The following AKAP13 variants were observed in gnomAD, a reference collection of about 807,000 sequenced individuals.
The protein encoded by AKAP13 is A-kinase anchor protein 13.
In AKAP13, 80 loss-of-function variants were observed where a neutral mutation model predicts 264.5. The observed-to-expected ratio is 0.30, with a 90% CI of 0.25 to 0.36. The LOEUF is 0.36. AKAP13 is among the 10% of genes least tolerant of loss of function. The pLI is 1.00. For missense variants in AKAP13, 3,712 were observed against 3,435.2 expected (o/e 1.08, Z -2.01); for synonymous variants, 1,380 against 1,250.2 (o/e 1.10, Z -2.19).
At chr15:85,432,737 C>G (rs1176627168) in intron 1 of AKAP13, among the ~76,000 whole-genome samples, 2 of 152,084 alleles carry the variant, frequency 1.3e-5, no homozygotes, top group African/African-American at 4.8e-5. Context: ...TTGCTATGGA[C>G]TAATTTCCAT....
intron 19 of AKAP13, among the ~76,000 whole-genome samples, chr15:85,710,980 T>C (rs2086603067): frequency 6.6e-6 from 1 of 151,972 alleles, no homozygotes; most frequent in African/African-American, 2.4e-5. Flanking sequence ...CTTACAATCA[T>C]ACAAATCAAA....
At chr15:85,523,249 C>G (rs995834937) in intron 3 of AKAP13, among the ~76,000 whole-genome samples, 5 of 152,008 alleles carry the variant, frequency 3.3e-5, no homozygotes. Flanking sequence ...GATTACTTGT[C>G]TTTTTCAGCT....
chr15:85,578,224 G>A (rs929932443), intron 6 of AKAP13, among the ~76,000 whole-genome samples: 2 of 152,314 alleles, frequency 1.3e-5, no homozygotes, highest in East Asian at 1.9e-4. Context: ...TCAAGGCTGC[G>A]GTGAGCTGTG....
chr15:85,705,319 T>G (rs1403931785), intron 17 of AKAP13, among the ~76,000 whole-genome samples: 2 of 152,174 alleles, frequency 1.3e-5, no homozygotes, highest in Non-Finnish European at 2.9e-5. Flanking sequence ...AGAACAGAAC[T>G]TGGAAACAAA....
chr15:85,531,788 T>C (rs1315713200), intron 3 of AKAP13, among the ~76,000 whole-genome samples: 2 of 152,144 alleles, frequency 1.3e-5, no homozygotes, highest in Non-Finnish European at 2.9e-5. Context: ...GATTCAGTGT[T>C]CATGTGAAGA....
chr15:85,590,455 A>T (rs771517874), intron 8 of AKAP13, among the ~76,000 whole-genome samples: 5 of 152,168 alleles, frequency 3.3e-5, no homozygotes, highest in Admixed American at 1.3e-4. Context: ...TCATTCCTTA[A>T]CCTGTTTGAC....
intron 8 of AKAP13, chr15:85,619,273 G>T: frequency 1.3e-5 from 9 of 706,266 alleles, no homozygotes; most frequent in Non-Finnish European, 1.6e-5. Flanking sequence ...CCAAGGCTGC[G>T]GGTGCGGAGC....
intron 2 of AKAP13, among the ~76,000 whole-genome samples, chr15:85,507,209 G>C (rs551210736): frequency 1.3e-5 from 2 of 152,022 alleles, no homozygotes; most frequent in African/African-American, 4.8e-5. Flanking sequence ...TGATGTCTTT[G>C]GGGGTGTGTG....
At chr15:85,629,764 CTTTTTTTTTTTTTTTTTTTTT>C (rs773396099) in intron 8 of AKAP13, among the ~76,000 whole-genome samples, 1 of 50,526 alleles carries the variant, frequency 2.0e-5, no homozygotes, top group South Asian at 7.9e-4. Flanking sequence ...CCTTTACAGC[CTTTTTTTTTTTTTTTTTTTTT>C]TTTTTTTTTT....
At chr15:85,480,237 A>G (rs1596304383) in intron 1 of AKAP13, among the ~76,000 whole-genome samples, 2 of 152,202 alleles carry the variant, frequency 1.3e-5, no homozygotes, top group African/African-American at 2.4e-5. Context: ...CCACCAGCGT[A>G]TTTTAAGAAG....
chr15:85,586,859 C>T (rs1036671940), intron 8 of AKAP13, among the ~76,000 whole-genome samples: 2 of 150,248 alleles, frequency 1.3e-5, no homozygotes, highest in African/African-American at 2.5e-5. Flanking sequence ...ACCTGGGAGG[C>T]GGAGGATGCA....
In AKAP13 at chr15:85,693,282, G is replaced by A. The variant is rs1436345269; in HGVS notation, c.5295G>A (p.Lys1765=). The A allele has an allele frequency of 1.9e-6, 3 of 1,590,378 alleles. No homozygotes were observed. The highest frequency in any genetic ancestry group is 3.8e-5 in the Admixed American group (2 of 53,284). ...TATTTTCTTTTCTTCGGCAGGAAAA[G>A]GAAAAAGAAAAAGATAAGATTAAGG... The part of the protein sequence containing the change: ...KMSSSKKSKE[K]EKEKDKIKEK... The change falls in exon 17 of 37, where the codon AAG becomes AAA. Residue 1765 remains lysine, a synonymous_variant. Coordinates refer to ENST00000394518, the MANE Select transcript of AKAP13 (RefSeq NM_007200.5).
At chr15:85,663,457 CGTTAA>C (rs1263071769) in intron 12 of AKAP13, among the ~76,000 whole-genome samples, 5 of 152,000 alleles carry the variant, frequency 3.3e-5, no homozygotes, top group African/African-American at 4.8e-5. Context: ...GGCTTCAGTT[CGTTAA>C]GTTATTTACA....
intron 8 of AKAP13, among the ~76,000 whole-genome samples, chr15:85,615,434 T>TG (rs35440013): frequency 0.62 from 94,637 of 151,794 alleles, 29,627 homozygotes; most frequent in Middle Eastern, 0.73. Context: ...TTGGAGACGA[T>TG]CCTTTGCAGC....
intron 33 of AKAP13, among the ~76,000 whole-genome samples, chr15:85,738,347 G>A (rs1020589051): frequency 1.5e-4 from 22 of 151,544 alleles, no homozygotes; most frequent in Non-Finnish European, 2.2e-4. Context: ...GGCCAAGATC[G>A]CACCACTGCA....
intron 14 of AKAP13, 109 bp downstream of exon 14, chr15:85,669,939 C>G: frequency 1.4e-6 from 1 of 719,112 alleles, no homozygotes; most frequent in South Asian, 2.2e-5. Context: ...AATTTGCTTA[C>G]TACTTCTTTG....
At chr15:85,743,384 G>C (rs2089201541) in intron 35 of AKAP13, 108 bp from the exon 36 acceptor site, 12 of 1,226,554 alleles carry the variant, frequency 9.8e-6, no homozygotes, top group Non-Finnish European at 1.4e-5. Context: ...GCAGAGGTGG[G>C]TAAGTACCCA....
chr15:85,598,439 G>T (rs2079913839), intron 8 of AKAP13, among the ~76,000 whole-genome samples: 1 of 152,160 alleles, frequency 6.6e-6, no homozygotes, highest in South Asian at 2.1e-4. Context: ...CTTGTCAGCG[G>T]GAGAGGCATG....
chr15:85,648,725 G>C (rs1326793883), intron 10 of AKAP13, among the ~76,000 whole-genome samples: 1 of 152,106 alleles, frequency 6.6e-6, no homozygotes, highest in Non-Finnish European at 1.5e-5. Context: ...TGTGGTCCCA[G>C]CTATTCAGGA....
Sources: gnomAD v4.1 joint callset for allele counts (sites outside exome capture counted in the v4.1 genomes callset) on GRCh38, gnomAD v4.1.1 for gene constraint, MANE v1.5 for transcripts, NCBI Gene and HGNC (gene_info 2026-07-23, HGNC 2026-07-21) for gene names.